MTHFD2L: variants seen among roughly 807,000 people sequenced by gnomAD.
MTHFD2L encodes methylenetetrahydrofolate dehydrogenase (NADP+ dependent) 2 like.
MTHFD2L carries 29 observed loss-of-function variants against 34.9 expected under a neutral mutation model. The observed-to-expected ratio is 0.83, with a 90% CI of 0.62 to 1.13. The LOEUF is 1.13. Among genes scored for constraint, MTHFD2L ranks in the 50% most tolerant of loss-of-function variants. The probability of loss-of-function intolerance (pLI) is 0.00; values close to 1 mark genes in which losing one functional copy is unlikely to be tolerated. For missense variants in MTHFD2L, 481 were observed against 446.5 expected (o/e 1.08, Z -0.70); for synonymous variants, 167 against 155.7 (o/e 1.07, Z -0.54).
chr4:74,300,524 A>G (rs1175834966), intron 7 of MTHFD2L, among the ~76,000 whole-genome samples: 1 of 152,062 alleles, frequency 6.6e-6, no homozygotes, highest in African/African-American at 2.4e-5. Flanking sequence ...GCATGTGGTT[A>G]ATAATGTCAG....
In MTHFD2L at chr4:74,116,253, C is replaced by G. The variant is rs573048593; in HGVS notation, c.-144+1596C>G. Among the ~76,000 whole-genome samples the G allele has an allele frequency of 2.6e-5, 4 of 152,246 alleles. No individual in the cohort carries two copies. In the South Asian group the frequency reaches 6.2e-4, roughly 24 times the overall value. On this transcript the variant is annotated intron_variant and NMD_transcript_variant, in intron 2 of 9. Transcript: ENST00000429519. Reference sequence around the variant, plus strand: ...AGTATACCTGGGAGCCAGTCTCACACCAGGATGGCTAGTAAAAACAGAACC... The same window carrying G: ...AGTATACCTGGGAGCCAGTCTCACAGCAGGATGGCTAGTAAAAACAGAACC...
intron 1 of MTHFD2L, among the ~76,000 whole-genome samples, chr4:74,133,360 T>C (rs991792040): frequency 1.4e-4 from 21 of 152,184 alleles, no homozygotes; most frequent in Admixed American, 1.2e-3. Flanking sequence ...CTTTCATGAG[T>C]TTTGGAAAGT....
chr4:74,186,986 G>C (rs1731408317), intron 3 of MTHFD2L, among the ~76,000 whole-genome samples: 1 of 152,176 alleles, frequency 6.6e-6, no homozygotes, highest in South Asian at 2.1e-4. Flanking sequence ...AAAATAGAAA[G>C]TCCAGAAAGA....
At chr4:74,161,773 C>T (rs892462974) in intron 1 of MTHFD2L, 1 of 152,092 alleles carries the variant, frequency 6.6e-6, no homozygotes, top group African/African-American at 2.4e-5. Flanking sequence ...TTATTCTTTC[C>T]TATTAGTACC....
At chr4:74,239,342 G>A (rs193039549) in intron 6 of MTHFD2L, among the ~76,000 whole-genome samples, 16 of 152,128 alleles carry the variant, frequency 1.1e-4, no homozygotes, top group Admixed American at 5.2e-4. Flanking sequence ...TCGTAGTTTG[G>A]GGGGGCAGAG....
At chr4:74,297,952 T>C (rs142720926) in intron 7 of MTHFD2L, among the ~76,000 whole-genome samples, 43 of 152,248 alleles carry the variant, frequency 2.8e-4, no homozygotes, top group Admixed American at 7.2e-4. Flanking sequence ...GATCACTTAC[T>C]TCTGTATCCT....
At chr4:74,157,473 C>A (rs1724373938), upstream of MTHFD2L, 2 of 361,130 alleles carry the variant, frequency 5.5e-6, no homozygotes, top group Non-Finnish European at 1.1e-5. Context: ...CACAAGCTCA[C>A]CACACAATGC....
At chr4:74,146,904 T>G (rs1329916294) in intron 1 of MTHFD2L, among the ~76,000 whole-genome samples, 1 of 152,036 alleles carries the variant, frequency 6.6e-6, no homozygotes, top group African/African-American at 2.4e-5. Context: ...TTATTATTTC[T>G]TCTGCTTGAC....
intron 1 of MTHFD2L, chr4:74,143,412 A>G (rs1000554761): frequency 2.0e-6 from 2 of 985,308 alleles, no homozygotes; most frequent in South Asian, 9.4e-5. Context: ...GCATGGAAAC[A>G]CGGATTTGAG....
chr4:74,272,310 C>A (rs559819473), intron 6 of MTHFD2L, among the ~76,000 whole-genome samples: 1 of 152,214 alleles, frequency 6.6e-6, no homozygotes, highest in East Asian at 1.9e-4. Flanking sequence ...TGCCCACCAC[C>A]TGCATAGTAT....
At chr4:74,166,248 C>T (rs1405237911) in intron 1 of MTHFD2L, among the ~76,000 whole-genome samples, 2 of 152,216 alleles carry the variant, frequency 1.3e-5, no homozygotes, top group African/African-American at 2.4e-5. Flanking sequence ...TGTAGGCCCA[C>T]ACTCTGTCGA....
At position 74,187,800 on chromosome 4, in the gene MTHFD2L, T is replaced by TACACACACACACACACACACACAC. The variant is rs61173269; in HGVS notation, c.452-11982_452-11959dup. Among the ~76,000 whole-genome samples, 452 of 144,356 alleles carry TACACACACACACACACACACACAC rather than the reference T, an allele frequency of 3.1e-3. 4 individuals carry two copies. Among genetic ancestry groups the TACACACACACACACACACACACAC allele is most frequent in the East Asian group, 0.012 (60 of 4,920 alleles). The allele number at this position is 144,356 out of a possible 152,430, so 94.7% of individuals were successfully genotyped here. On this transcript the variant is annotated intron_variant, in intron 3 of 7. Transcript: ENST00000325278. ...TCCAGCCATTCTGTGCCTGTGTATT[T>TACACACACACACACACACACACAC]ACACACACACACACACACACACACA...
chr4:74,292,744 G>T (rs915970587), intron 7 of MTHFD2L, among the ~76,000 whole-genome samples: 2 of 152,138 alleles, frequency 1.3e-5, no homozygotes, highest in Non-Finnish European at 2.9e-5. Context: ...ATGGAATCTG[G>T]CAATGACAGC....
intron 6 of MTHFD2L, among the ~76,000 whole-genome samples, chr4:74,228,185 A>G (rs917981739): frequency 5.9e-5 from 9 of 152,202 alleles, no homozygotes; most frequent in African/African-American, 2.2e-4. Flanking sequence ...ATGTTTAGAG[A>G]GTTAGTAAAC....
chr4:74,216,977 A>G (rs1402444892), intron 5 of MTHFD2L, among the ~76,000 whole-genome samples: 1 of 151,744 alleles, frequency 6.6e-6, no homozygotes, highest in Non-Finnish European at 1.5e-5. Context: ...CCATGACAAC[A>G]TGACACCAGA....
rs1397627918 is a variant in MTHFD2L, at chr4:74,251,874, A to G, written c.805+26480A>G. On this transcript the variant is annotated intron_variant, in intron 6 of 7. Coordinates refer to ENST00000325278, the MANE Select transcript of MTHFD2L (RefSeq NM_001144978.3). ...AATCAGCATAGTTGTTCTAGAAAACAAGAAAGAGAGGTCTCTGTAGACTAG... is the reference window on the plus strand; with the variant it reads ...AATCAGCATAGTTGTTCTAGAAAACGAGAAAGAGAGGTCTCTGTAGACTAG... 3.9e-5 allele frequency among the ~76,000 whole-genome samples: 6 copies of G among 152,348 alleles called. No homozygotes were observed. The East Asian group carries it at 1.2e-3, about 29-fold the overall frequency.
intron 5 of MTHFD2L, among the ~76,000 whole-genome samples, chr4:74,208,927 T>A (rs542302357): frequency 7.2e-5 from 11 of 151,998 alleles, no homozygotes; most frequent in East Asian, 3.9e-4. Flanking sequence ...TGACAGAGGG[T>A]GCTGTTTTGG....
In MTHFD2L at chr4:74,158,219, C is replaced by T. The variant is rs375451798; in HGVS notation, c.81C>T (p.Pro27=). The T allele has an allele frequency of 8.4e-5, 127 of 1,510,712 alleles. 1 individual carries two copies. In the South Asian group the frequency reaches 1.3e-3, roughly 16 times the overall value. The allele number at this position is 1,510,712 out of a possible 1,614,324, so 93.6% of individuals were successfully genotyped here. Residue 27 remains proline, a synonymous_variant, in exon 1 of 8, where the codon CCC becomes CCT. Coordinates refer to ENST00000325278, the MANE Select transcript of MTHFD2L (RefSeq NM_001144978.3). The part of the protein sequence containing the change: ...RAPALGRSTA[P]SVRAPGEPGS... ...CGGCGTTGGGCAGAAGCACAGCACC[C>T]TCCGTAAGGGCACCGGGAGAGCCCG...
chr4:74,168,955 G>A (rs1727326083), intron 1 of MTHFD2L, among the ~76,000 whole-genome samples: 1 of 152,162 alleles, frequency 6.6e-6, no homozygotes, highest in Admixed American at 6.5e-5. Context: ...CCAGCACATG[G>A]ACCAATACAG....
Sources: allele counts gnomAD v4.1 joint callset (sites outside exome capture counted in the v4.1 genomes callset), GRCh38; gene constraint gnomAD v4.1.1; transcripts MANE v1.5; gene names NCBI Gene and HGNC (gene_info 2026-07-23, HGNC 2026-07-21).